Variants in PCM1 observed in about 807,000 individuals in gnomAD.
PCM1 encodes pericentriolar material 1 protein.
Under a neutral mutation model 241.9 loss-of-function variants are expected in PCM1, and 157 were observed. The observed-to-expected ratio is 0.65, with a 90% CI of 0.57 to 0.74. The LOEUF is 0.74. PCM1 is among the 30% of genes least tolerant of loss of function. The pLI is 0.00. For missense variants in PCM1, 3,478 were observed against 2,360.1 expected (o/e 1.47, Z -9.81); for synonymous variants, 1,085 against 784.9 (o/e 1.38, Z -6.39).
At chr8:17,952,307 G>C (rs1227928885) in intron 8 of PCM1, among the ~76,000 whole-genome samples, 1 of 152,042 alleles carries the variant, frequency 6.6e-6, no homozygotes, top group Non-Finnish European at 1.5e-5. Flanking sequence ...AGGTTAAGAA[G>C]TTAAAGTTTA....
chr8:18,022,960 TG>T (rs2093877272), intron 36 of PCM1, among the ~76,000 whole-genome samples: 2 of 152,212 alleles, frequency 1.3e-5, no homozygotes, highest in Non-Finnish European at 2.9e-5. Context: ...TATTTGGCGA[TG>T]GTACCCATGT....
At chr8:17,946,181 A>G (rs1290486928) in intron 6 of PCM1, among the ~76,000 whole-genome samples, 3 of 152,040 alleles carry the variant, frequency 2.0e-5, no homozygotes, top group Admixed American at 1.3e-4. Flanking sequence ...CCATCCCTCT[A>G]CTTTTAGACT....
At chr8:18,008,491 C>G (rs751910221) in intron 30 of PCM1, among the ~76,000 whole-genome samples, 1 of 151,968 alleles carries the variant, frequency 6.6e-6, no homozygotes. Context: ...TGAATCATTC[C>G]GAAACCTTCC....
At chr8:17,944,019 A>G (rs896550746) in intron 6 of PCM1, among the ~76,000 whole-genome samples, 6 of 152,204 alleles carry the variant, frequency 3.9e-5, no homozygotes, top group Non-Finnish European at 8.8e-5. Context: ...ATGTCAGAAG[A>G]AGGCAAAAGA....
At position 18,029,709 on chromosome 8, in the gene PCM1, C is replaced by A. The variant is rs1475375866; in HGVS notation, c.*2047C>A. The A allele has an allele frequency of 5.1e-6, 1 of 196,558 alleles. No individual in the cohort carries two copies. The highest frequency in any genetic ancestry group is 2.3e-5 in the African/African-American group (1 of 43,312). The allele number at this position is 196,558 out of a possible 1,614,324, so 12.2% of individuals were successfully genotyped here. Reference sequence around the variant, plus strand: ...TTATTTAATCTGTTTTCTCTAGTAACTATTGCTGAAGGGTTAGGCATTCAG... The same window carrying A: ...TTATTTAATCTGTTTTCTCTAGTAAATATTGCTGAAGGGTTAGGCATTCAG... On this transcript the variant is annotated 3_prime_UTR_variant, in exon 39 of 39. Coordinates refer to ENST00000325083, the MANE Select transcript of PCM1 (RefSeq NM_006197.4).
At chr8:17,979,219 T>C (rs145354399) in intron 23 of PCM1, among the ~76,000 whole-genome samples, 48 of 152,234 alleles carry the variant, frequency 3.2e-4, no homozygotes, top group African/African-American at 1.1e-3. Flanking sequence ...TCCAGAGATA[T>C]TTCTATCTCA....
rs1159450027 is a variant in PCM1 at position 18,026,163 on chromosome 8, CTGAAACAAAAAA to C, written c.6049+506_6049+517del. 2.2e-4 allele frequency among the ~76,000 whole-genome samples: 12 copies of C among 53,676 alleles called. 1 individual carries two copies. The highest frequency in any genetic ancestry group is 7.0e-4 in the East Asian group (1 of 1,424). 35.2% of individuals were successfully genotyped at this position (53,676 alleles called of 152,430 possible). A position where few individuals can be genotyped will look rare whatever the true frequency, so the allele number is the denominator to read the frequency against. ...TGGGTGAAAGAGCGAGACTCCCTCT[CTGAAACAAAAAA>C]AAAAAAAAAAAAAAAAAAAAAAAAA... On this transcript the variant is annotated intron_variant, in intron 38 of 38. Coordinates refer to ENST00000325083, the MANE Select transcript of PCM1 (RefSeq NM_006197.4).
Position 17,991,658 on chromosome 8 carries a change from G to T in PCM1, c.4648G>T (p.Gly1550Ter). 1 of 1,563,476 alleles carries T rather than the reference G, an allele frequency of 6.4e-7. No individual in the cohort carries two copies. The highest frequency in any genetic ancestry group is 8.7e-7 in the Non-Finnish European group (1 of 1,153,084). ...ATGCACCTGCAGGATTATTGAGGAT[G>T]GAGATGGTGCTGGTGCAGGTACTAC... is the stretch of plus-strand genomic sequence containing the variant. The part of the protein sequence containing the change: ...MRCTCRIIED[G>*]DGAGAGTTVN... Residue 1550 changes from glycine to a stop codon, truncating the protein, a stop_gained, in exon 28 of 39, where the codon GGA becomes TGA. Transcript: ENST00000325083. LOFTEE classifies it high-confidence loss of function.
intron 2 of PCM1, chr8:17,927,757 A>G (rs4124900): frequency 0.79 from 118,635 of 150,904 alleles, 47,133 homozygotes; most frequent in African/African-American, 0.87. Context: ...TAACATGTTG[A>G]TCAGGCTAGT....
In PCM1 at chr8:17,962,301, T is replaced by C. The variant is rs542439062; in HGVS notation, c.2463+127T>C. On this transcript the variant is annotated intron_variant, in intron 16 of 38. Transcript: ENST00000325083. The stretch of plus-strand genomic sequence containing the variant: ...AACATGTTTGTAAATAGTAGTCTGC[T>C]TTGTGCCTTTTTTAGTAGACACAAA... 4.9e-6 allele frequency: 3 copies of C among 616,548 alleles called. No homozygotes were observed. In the South Asian group the frequency reaches 1.1e-4, roughly 22 times the overall value. The allele number at this position is 616,548 out of a possible 1,614,324, so 38.2% of individuals were successfully genotyped here.
intron 6 of PCM1, among the ~76,000 whole-genome samples, chr8:17,943,655 T>C (rs1034260025): frequency 1.3e-5 from 2 of 152,218 alleles, no homozygotes; most frequent in African/African-American, 4.8e-5. Context: ...ATTTTGACTT[T>C]CTTGATTCTT....
chr8:17,965,876 T>G (rs745314532), intron 18 of PCM1, 123 bp from the exon 19 acceptor site: 1 of 634,300 alleles, frequency 1.6e-6, no homozygotes, highest in Non-Finnish European at 2.7e-6. Flanking sequence ...TTTTAATACT[T>G]TGTATGTTCT....
At chr8:17,989,803 TTAA>T in intron 26 of PCM1, 53 bp from the exon 27 acceptor site, 1 of 1,195,658 alleles carries the variant, frequency 8.4e-7, no homozygotes, top group East Asian at 2.6e-5. Flanking sequence ...TGTTAGATTA[TTAA>T]TATGAAATTC....
chr8:17,993,654 CTA>C, intron 29 of PCM1, 35 bp downstream of exon 29: 1 of 1,522,706 alleles, frequency 6.6e-7, no homozygotes, highest in Non-Finnish European at 8.9e-7. Flanking sequence ...ACGAAACCTT[CTA>C]TGTTTTGTTT....
chr8:17,936,843 C>G (rs541069840), intron 3 of PCM1, among the ~76,000 whole-genome samples: 3 of 151,982 alleles, frequency 2.0e-5, no homozygotes, highest in Non-Finnish European at 4.4e-5. Context: ...TAAAAAAATC[C>G]TCTTGGAAAT....
chr8:17,962,882 G>A lies in PCM1; in HGVS notation c.2464-219G>A, dbSNP rs193213111. 9.1e-3 allele frequency: 3,674 copies of A among 403,474 alleles called. 27 individuals carry two copies. Among genetic ancestry groups the A allele is most frequent in the Non-Finnish European group, 0.011 (2,521 of 227,142 alleles). The allele number at this position is 403,474 out of a possible 1,614,324, so 25.0% of individuals were successfully genotyped here. ...CACACCACTGCACTCCAGCCCAGAT[G>A]ACAGAGTGAGACTCTGTCTCAAAAA... On this transcript the variant is annotated intron_variant, in intron 16 of 38. Transcript: ENST00000325083.
chr8:17,932,043 T>A (rs1338428589), intron 2 of PCM1, among the ~76,000 whole-genome samples: 1 of 152,118 alleles, frequency 6.6e-6, no homozygotes, highest in African/African-American at 2.4e-5. Context: ...TAATTTTTCA[T>A]ACTGCTTTTT....
chr8:17,994,818 A>G (rs977090688), intron 29 of PCM1, among the ~76,000 whole-genome samples: 4 of 151,326 alleles, frequency 2.6e-5, no homozygotes, highest in South Asian at 4.1e-4. Flanking sequence ...CCTGTTTGCC[A>G]TTTGTATGTC....
intron 28 of PCM1, among the ~76,000 whole-genome samples, chr8:17,992,520 T>A (rs2085042473): frequency 6.6e-6 from 1 of 152,150 alleles, no homozygotes; most frequent in African/African-American, 2.4e-5. Flanking sequence ...GTTAGAGCAT[T>A]TTTTCACTCA....
Sources: gnomAD v4.1 joint callset for allele counts (sites outside exome capture counted in the v4.1 genomes callset) on GRCh38, gnomAD v4.1.1 for gene constraint, MANE v1.5 for transcripts, NCBI Gene and HGNC (gene_info 2026-07-23, HGNC 2026-07-21) for gene names.